Variants in NTN4 observed in about 807,000 individuals in gnomAD.
The protein encoded by NTN4 is netrin-4.
In NTN4, 32 loss-of-function variants were observed where a neutral mutation model predicts 73.6. The observed-to-expected ratio is 0.44, with a 90% confidence interval of 0.33 to 0.58. The LOEUF (loss-of-function observed/expected upper bound fraction) is 0.58. Among genes scored for constraint, NTN4 ranks in the 20% least tolerant of loss-of-function variants. The pLI, the probability that NTN4 is intolerant of heterozygous loss-of-function variation, is 0.04. For missense variants in NTN4, 654 were observed against 798.3 expected (o/e 0.82, Z 2.18); for synonymous variants, 258 against 287.5 (o/e 0.90, Z 1.04).
chr12:95,686,448 G>T (rs1315708184), intron 5 of NTN4, among the ~76,000 whole-genome samples: 1 of 152,110 alleles, frequency 6.6e-6, no homozygotes, highest in African/African-American at 2.4e-5. Flanking sequence ...AGATGAATAG[G>T]AGTTTGCAAG....
chr12:95,785,417 C>A (rs1018070030), intron 2 of NTN4, among the ~76,000 whole-genome samples: 1 of 152,178 alleles, frequency 6.6e-6, no homozygotes, highest in African/African-American at 2.4e-5. Flanking sequence ...TAAAAATGTC[C>A]ATCATGACAG....
chr12:95,772,528 C>T (rs2079064838), intron 2 of NTN4, among the ~76,000 whole-genome samples: 1 of 152,160 alleles, frequency 6.6e-6, no homozygotes, highest in African/African-American at 2.4e-5. Context: ...GAACTCTAAA[C>T]TCCAGTGGCC....
intron 5 of NTN4, among the ~76,000 whole-genome samples, chr12:95,702,132 T>C (rs2078489344): frequency 6.6e-6 from 1 of 151,570 alleles, no homozygotes; most frequent in South Asian, 2.1e-4. Context: ...ATACAAAAAT[T>C]AGCTGGGTGT....
At chr12:95,738,762 C>T (rs1178178986) in intron 2 of NTN4, among the ~76,000 whole-genome samples, 1 of 152,206 alleles carries the variant, frequency 6.6e-6, no homozygotes, top group Non-Finnish European at 1.5e-5. Context: ...AAAGAATCGA[C>T]TGTGTCACAT....
At chr12:95,682,648 G>T (rs922539425) in intron 7 of NTN4, 59 bp downstream of exon 7, 2 of 1,156,422 alleles carry the variant, frequency 1.7e-6, no homozygotes, top group Non-Finnish European at 2.6e-6. Flanking sequence ...GGTTTGTCAC[G>T]TATCACTGTT....
intron 8 of NTN4, among the ~76,000 whole-genome samples, chr12:95,667,181 G>A (rs1354433016): frequency 1.3e-5 from 2 of 150,624 alleles, no homozygotes; most frequent in African/African-American, 2.4e-5. Flanking sequence ...ACTAGGGAAC[G>A]TAGGGAAGTT....
intron 2 of NTN4, among the ~76,000 whole-genome samples, chr12:95,741,686 G>A (rs1216192927): frequency 6.7e-6 from 1 of 148,306 alleles, no homozygotes; most frequent in Non-Finnish European, 1.5e-5. Context: ...AGCACAGTAA[G>A]AGATTAACAA....
At chr12:95,733,087 C>T (rs980602128) in intron 3 of NTN4, among the ~76,000 whole-genome samples, 1 of 152,196 alleles carries the variant, frequency 6.6e-6, no homozygotes, top group African/African-American at 2.4e-5. Flanking sequence ...CAGCTCAGGG[C>T]ATTTAAATAT....
At position 95,789,896 on chromosome 12, in the gene NTN4, T is replaced by C. The variant is rs2079195574; in HGVS notation, c.55+359A>G. ...GTCGCTGGGCCACCCCTCCTCATCA[T>C]TCCTTAGGCCATGAAGTGCCGGGGG... On this transcript the variant is annotated intron_variant, in intron 1 of 9. Transcript: ENST00000343702. The surrounding 1 kb of genome is among the most constrained non-coding windows in gnomAD (Gnocchi z 4.0). 1 of 212,128 alleles carries C rather than the reference T, an allele frequency of 4.7e-6. No homozygotes were observed. The highest frequency in any genetic ancestry group is 2.3e-5 in the African/African-American group (1 of 43,464). 13.1% of individuals were successfully genotyped at this position (212,128 alleles called of 1,614,324 possible).
At chr12:95,769,524 C>T (rs1592713896) in intron 2 of NTN4, among the ~76,000 whole-genome samples, 2 of 143,324 alleles carry the variant, frequency 1.4e-5, no homozygotes, top group African/African-American at 5.2e-5. Flanking sequence ...GCCACCGCAG[C>T]CAGTGGTGGA....
intron 2 of NTN4, among the ~76,000 whole-genome samples, chr12:95,748,244 A>AAAAAAAAAAAAAAAAG (rs1555219977): frequency 1.4e-5 from 2 of 138,480 alleles, no homozygotes; most frequent in Non-Finnish European, 3.1e-5. Flanking sequence ...AAAAAAAAAA[A>AAAAAAAAAAAAAAAAG]AAAAGAAAAG....
intron 7 of NTN4, chr12:95,670,347 T>C: frequency 2.5e-6 from 1 of 406,704 alleles, no homozygotes; most frequent in African/African-American, 2.0e-5. Context: ...TCCAATAAAG[T>C]ATTCATCCAA....
chr12:95,775,352 C>T (rs1293990562), intron 2 of NTN4, among the ~76,000 whole-genome samples: 7 of 152,268 alleles, frequency 4.6e-5, no homozygotes, highest in Admixed American at 1.3e-4. Flanking sequence ...GTGGGTGCAG[C>T]GCACTGAGCA....
At chr12:95,711,744 G>C (rs1013575515) in intron 4 of NTN4, among the ~76,000 whole-genome samples, 2 of 152,168 alleles carry the variant, frequency 1.3e-5, no homozygotes, top group African/African-American at 4.8e-5. Context: ...ACATGTCTCT[G>C]TGTTCTATAC....
At chr12:95,708,256 T>TTTTATTTATATTTATTTA (rs1555216345) in intron 5 of NTN4, among the ~76,000 whole-genome samples, 3 of 142,380 alleles carry the variant, frequency 2.1e-5, no homozygotes, top group Admixed American at 1.4e-4. Flanking sequence ...TTTATTGTTA[T>TTTTATTTATATTTATTTA]TTTATTTATT....
In NTN4 at chr12:95,682,768, A is replaced by T; in HGVS notation, c.1449T>A (p.Asn483Lys). 2 of 1,613,858 alleles carry T rather than the reference A, an allele frequency of 1.2e-6. No individual in the cohort carries two copies. The highest frequency in any genetic ancestry group is 1.7e-6 in the Non-Finnish European group (2 of 1,179,856). ...HEVPDFRPVH[N>K]KSEPAWEWED... ...CCCACTCCCAGGCTGGTTCGCTCTT[A>T]TTGTGCACGGGACGGAAGTCAGGAA... The change falls in exon 7 of 10, where the codon AAT becomes AAA. Residue 483 changes from asparagine to lysine, a missense_variant. Coordinates refer to ENST00000343702, the MANE Select transcript of NTN4 (RefSeq NM_021229.4).
At chr12:95,694,557 A>G (rs946290700) in intron 5 of NTN4, among the ~76,000 whole-genome samples, 3 of 152,242 alleles carry the variant, frequency 2.0e-5, no homozygotes, top group East Asian at 1.9e-4. Context: ...ATACATAAAT[A>G]GAGTGTGAAG....
Position 95,735,949 on chromosome 12 carries a change from A to ATTTATTTT in NTN4, c.864+1916_864+1917insAAAATAAA, listed in dbSNP as rs1385272513. On this transcript the variant is annotated intron_variant, in intron 3 of 9. Coordinates refer to ENST00000343702, the MANE Select transcript of NTN4 (RefSeq NM_021229.4). ...TATTTATTTATTTATTTATTTATTT[A>ATTTATTTT]TTTTTTTGAGACAGAGTCTTGCTTT... is the stretch of plus-strand genomic sequence containing the variant. Among the ~76,000 whole-genome samples, 44 of 137,064 alleles carry ATTTATTTT rather than the reference A, an allele frequency of 3.2e-4. 1 individual carries two copies. Among genetic ancestry groups the ATTTATTTT allele is most frequent in the African/African-American group, 8.8e-4 (32 of 36,498 alleles). The allele number at this position is 137,064 out of a possible 152,430, so 89.9% of individuals were successfully genotyped here. A position where few individuals can be genotyped will look rare whatever the true frequency, so the allele number is the denominator to read the frequency against.
At chr12:95,745,684 T>C (rs2121200284) in intron 2 of NTN4, among the ~76,000 whole-genome samples, 1 of 152,334 alleles carries the variant, frequency 6.6e-6, no homozygotes, top group East Asian at 1.9e-4. Flanking sequence ...GTATTCTCTG[T>C]TTCTTTGCAG....
Sources: gnomAD v4.1 joint callset for allele counts (sites outside exome capture counted in the v4.1 genomes callset) on GRCh38, gnomAD v4.1.1 for gene constraint, Gnocchi (gnomAD v3.1) non-coding constraint, MANE v1.5 for transcripts, NCBI Gene and HGNC (gene_info 2026-07-23, HGNC 2026-07-21) for gene names.